The following LNX1 variants were observed in gnomAD, a reference collection of about 807,000 sequenced individuals.
The protein encoded by LNX1 is E3 ubiquitin-protein ligase LNX.
A neutral mutation model predicts 68.4 loss-of-function variants in LNX1; 54 were observed. The ratio of observed to expected loss-of-function variants is 0.79; its 90% CI spans 0.63 to 0.99. The LOEUF (loss-of-function observed/expected upper bound fraction) is 0.99. Among genes scored for constraint, LNX1 ranks in the 50% least tolerant of loss-of-function variants. The pLI, the probability that LNX1 is intolerant of heterozygous loss-of-function variation, is 0.00. For missense variants in LNX1, 906 were observed against 926.4 expected, an observed-to-expected ratio of 0.98 and a Z score of 0.29; for synonymous variants, 336 against 350.0, an observed-to-expected ratio of 0.96 and a Z score of 0.45.
chr4:53,623,466 T>C (rs1282989584), intron 1 of LNX1, among the ~76,000 whole-genome samples: 1 of 152,008 alleles, frequency 6.6e-6, no homozygotes, highest in Non-Finnish European at 1.5e-5. Context: ...ACACATGAGC[T>C]CAGGTGATCC....
intron 7 of LNX1, among the ~76,000 whole-genome samples, chr4:53,480,522 AGAT>A (rs1217561237): frequency 6.6e-6 from 1 of 152,220 alleles, no homozygotes; most frequent in African/African-American, 2.4e-5. Context: ...TCATTAATAA[AGAT>A]GATCAGTTAA....
At chr4:53,625,842 CCCGTGT>C (rs1312342535) in intron 1 of LNX1, among the ~76,000 whole-genome samples, 12 of 50,546 alleles carry the variant, frequency 2.4e-4, no homozygotes, top group African/African-American at 5.2e-4. Context: ...GCAATTCCAC[CCCGTGT>C]GTGTGTGTGT....
At chr4:53,468,343 CA>C (rs998848181) in intron 9 of LNX1, among the ~76,000 whole-genome samples, 2 of 152,124 alleles carry the variant, frequency 1.3e-5, no homozygotes, top group African/African-American at 4.8e-5. Context: ...CTGGAGGAAG[CA>C]CTAAATATGG....
At chr4:53,469,243 A>G (rs964691175) in intron 9 of LNX1, among the ~76,000 whole-genome samples, 5 of 151,866 alleles carry the variant, frequency 3.3e-5, no homozygotes, top group Middle Eastern at 3.4e-3. Flanking sequence ...AATGACTACT[A>G]GGTACATAAC....
At chr4:53,582,961 G>T (rs556976315) in intron 1 of LNX1, among the ~76,000 whole-genome samples, 1 of 152,220 alleles carries the variant, frequency 6.6e-6, no homozygotes, top group South Asian at 2.1e-4. Context: ...TCACCCAGCA[G>T]GCATGTCTGC....
intron 2 of LNX1, among the ~76,000 whole-genome samples, chr4:53,566,393 A>C (rs1730693104): frequency 6.6e-6 from 1 of 152,090 alleles, no homozygotes; most frequent in Non-Finnish European, 1.5e-5. Flanking sequence ...ATATCCAGCC[A>C]AACTAAGCTT....
intron 1 of LNX1, among the ~76,000 whole-genome samples, chr4:53,588,655 C>T (rs1732320019): frequency 6.6e-6 from 1 of 152,082 alleles, no homozygotes; most frequent in Non-Finnish European, 1.5e-5. Context: ...ATGGAGGGGG[C>T]CTGTGAAGTA....
chr4:53,565,389 C>A (rs1369946137), intron 2 of LNX1, among the ~76,000 whole-genome samples: 1 of 151,972 alleles, frequency 6.6e-6, no homozygotes, highest in Non-Finnish European at 1.5e-5. Context: ...CAGGGGCACA[C>A]TGACACCTCA....
intron 3 of LNX1, 116 bp from the exon 4 acceptor site, chr4:53,507,585 A>T: frequency 8.5e-7 from 1 of 1,173,024 alleles, no homozygotes; most frequent in Non-Finnish European, 1.2e-6. Context: ...TCTGGGTGGT[A>T]GGATTGTAGA....
At chr4:53,554,033 T>A (rs1241969184) in intron 2 of LNX1, among the ~76,000 whole-genome samples, 4 of 152,216 alleles carry the variant, frequency 2.6e-5, no homozygotes, top group African/African-American at 9.6e-5. Flanking sequence ...CCCTAGCCTG[T>A]CCCAGGAAAC....
rs1394163314 is a variant in LNX1 at position 53,461,511 on chromosome 4, C to A, written c.1975G>T (p.Glu659Ter). Reference protein sequence around the residue: ...LGFCIVGGYEEYNGNKPFFIK... With the variant: ...LGFCIVGGYE ...AAAAAAGGTTTGTTTCCATTGTATTCTTCATAACCTCCTACAATGCAGAAG... is the reference window on the plus strand; with the variant it reads ...AAAAAAGGTTTGTTTCCATTGTATTATTCATAACCTCCTACAATGCAGAAG... The change falls in exon 10 of 11, where the codon GAA becomes TAA. Residue 659 changes from glutamate to a stop codon, truncating the protein, a stop_gained. Transcript: ENST00000263925. LOFTEE classifies it high-confidence loss of function. The A allele has an allele frequency of 6.2e-7, 1 of 1,611,592 alleles. No homozygotes were observed. Among genetic ancestry groups the A allele is most frequent in the Non-Finnish European group, 8.5e-7 (1 of 1,178,290 alleles).
chr4:53,575,486 G>T, intron 1 of LNX1: 1 of 985,256 alleles, frequency 1.0e-6, no homozygotes, highest in Non-Finnish European at 1.2e-6. Context: ...GAGACTTAAA[G>T]GATATGCTTC....
At chr4:53,505,802 T>G (rs1725830272) in intron 4 of LNX1, among the ~76,000 whole-genome samples, 1 of 152,066 alleles carries the variant, frequency 6.6e-6, no homozygotes, top group Non-Finnish European at 1.5e-5. Flanking sequence ...AAAAGGGGGC[T>G]GAGGGAGTGA....
At chr4:53,479,203 T>G (rs370857392) in intron 7 of LNX1, among the ~76,000 whole-genome samples, 2 of 152,240 alleles carry the variant, frequency 1.3e-5, no homozygotes, top group Non-Finnish European at 2.9e-5. Flanking sequence ...GGAGGAATCT[T>G]AAGCACACAG....
intron 2 of LNX1, among the ~76,000 whole-genome samples, chr4:53,525,620 G>T (rs1275294353): frequency 6.6e-6 from 1 of 152,188 alleles, no homozygotes; most frequent in Non-Finnish European, 1.5e-5. Context: ...GAACTGTCAG[G>T]CCAGTGGATG....
rs536937430 is a variant in LNX1, at chr4:53,630,771, G to A, written c.-215+21397C>T. On this transcript the variant is annotated intron_variant, in intron 1 of 2. Transcript: ENST00000507168. ...GGCTGATAAAAATGTTGTCACCAGA[G>A]GATCATAGGAAGCTAACGTGGTAGT... Among the ~76,000 whole-genome samples the A allele has an allele frequency of 4.6e-5, 7 of 152,336 alleles. No homozygotes were observed. In the East Asian group the frequency reaches 5.8e-4, roughly 13 times the overall value.
chr4:53,576,511 G>A, intron 1 of LNX1: 1 of 1,150,170 alleles, frequency 8.7e-7, no homozygotes, highest in Non-Finnish European at 1.1e-6. Context: ...TCATCCAGGT[G>A]CTTTTGTAGA....
intron 2 of LNX1, among the ~76,000 whole-genome samples, chr4:53,596,702 G>A (rs973516305): frequency 1.3e-5 from 2 of 152,084 alleles, no homozygotes; most frequent in Non-Finnish European, 2.9e-5. Context: ...GATTTAAAAT[G>A]TCTCTTCTCC....
intron 1 of LNX1, among the ~76,000 whole-genome samples, chr4:53,584,369 A>T (rs1275997809): frequency 6.6e-6 from 1 of 152,214 alleles, no homozygotes; most frequent in Non-Finnish European, 1.5e-5. Context: ...CTAATTATGA[A>T]AACAGAGTTT....
Sources: allele counts gnomAD v4.1 joint callset (sites outside exome capture counted in the v4.1 genomes callset), GRCh38; gene constraint gnomAD v4.1.1; transcripts MANE v1.5; gene names NCBI Gene and HGNC (gene_info 2026-07-23, HGNC 2026-07-21).